The following NRG1 variants were observed in gnomAD, a reference collection of about 807,000 sequenced individuals.
NRG1 encodes pro-neuregulin-1, membrane-bound isoform.
NRG1 carries 18 observed loss-of-function variants against 63.8 expected under a neutral mutation model. That is an observed-to-expected ratio of 0.28 (90% CI 0.19 to 0.42). NRG1 has a LOEUF of 0.42. NRG1 is among the 10% of genes least tolerant of loss of function. The pLI, the probability that NRG1 is intolerant of heterozygous loss-of-function variation, is 1.00. For missense variants in NRG1, 762 were observed against 814.7 expected (o/e 0.94, Z 0.79); for synonymous variants, 302 against 301.3 (o/e 1.00, Z -0.02).
intron 1 of NRG1, among the ~76,000 whole-genome samples, chr8:32,312,494 G>A (rs1278376847): frequency 6.6e-6 from 1 of 151,648 alleles, no homozygotes; most frequent in Non-Finnish European, 1.5e-5. Flanking sequence ...TTTCTCAAGG[G>A]CTTCAAACAG....
intron 1 of NRG1, among the ~76,000 whole-genome samples, chr8:32,591,837 G>T (rs1358442228): frequency 6.6e-6 from 1 of 151,936 alleles, no homozygotes; most frequent in East Asian, 1.9e-4. Context: ...TGCCAGTTGG[G>T]TACTATGCTT....
chr8:32,339,517 G>A (rs1803774199), intron 1 of NRG1, among the ~76,000 whole-genome samples: 1 of 152,138 alleles, frequency 6.6e-6, no homozygotes, highest in East Asian at 1.9e-4. Flanking sequence ...TGTGTGTTTT[G>A]CATTTGTGTT....
At chr8:32,737,664 T>C (rs1010630886) in intron 6 of NRG1, among the ~76,000 whole-genome samples, 5 of 150,742 alleles carry the variant, frequency 3.3e-5, no homozygotes, top group Non-Finnish European at 5.9e-5. Context: ...ATTAACTGTA[T>C]GACAATCTTC....
intron 1 of NRG1, among the ~76,000 whole-genome samples, chr8:32,165,953 A>G (rs1035527742): frequency 1.3e-5 from 2 of 152,138 alleles, no homozygotes; most frequent in Non-Finnish European, 2.9e-5. Context: ...TGTGTACATG[A>G]TCATAGATGG....
chr8:32,205,000 G>C (rs995657947), intron 1 of NRG1, among the ~76,000 whole-genome samples: 1 of 152,138 alleles, frequency 6.6e-6, no homozygotes, highest in African/African-American at 2.4e-5. Flanking sequence ...ATTAAATAAT[G>C]TGTGGCATGG....
intron 1 of NRG1, among the ~76,000 whole-genome samples, chr8:31,709,159 G>A (rs555373015): frequency 6.7e-6 from 1 of 149,474 alleles, no homozygotes; most frequent in African/African-American, 2.5e-5. Flanking sequence ...TTTTTTTTAG[G>A]TGATTTTTTA....
At chr8:32,223,728 T>A (rs538115515) in intron 1 of NRG1, among the ~76,000 whole-genome samples, 16 of 152,246 alleles carry the variant, frequency 1.1e-4, no homozygotes, top group Middle Eastern at 6.8e-3. Flanking sequence ...ACTTTGTAGA[T>A]GCTGTAGGCC....
intron 1 of NRG1, among the ~76,000 whole-genome samples, chr8:32,110,804 G>C (rs1831917389): frequency 6.6e-6 from 1 of 152,156 alleles, no homozygotes; most frequent in Admixed American, 6.5e-5. Flanking sequence ...CTACCCGAAA[G>C]TATAAAATCC....
At chr8:32,165,019 C>G (rs959098593) in intron 1 of NRG1, among the ~76,000 whole-genome samples, 1 of 152,124 alleles carries the variant, frequency 6.6e-6, no homozygotes, top group Non-Finnish European at 1.5e-5. Flanking sequence ...TCTCCCTCTC[C>G]CCCACCCCCC....
At chr8:31,890,412 C>T (rs1489944239) in intron 1 of NRG1, among the ~76,000 whole-genome samples, 1 of 151,920 alleles carries the variant, frequency 6.6e-6, no homozygotes, top group African/African-American at 2.4e-5. Flanking sequence ...TCAAGGAAAC[C>T]TTCCAAAAGG....
intron 1 of NRG1, among the ~76,000 whole-genome samples, chr8:31,996,919 AG>A (rs961845403): frequency 3.9e-5 from 6 of 151,952 alleles, no homozygotes; most frequent in South Asian, 2.1e-4. Context: ...ATCTCTACTA[AG>A]GGGGGGTGGG....
At chr8:31,835,275 C>G (rs1275367706) in intron 1 of NRG1, among the ~76,000 whole-genome samples, 4 of 152,206 alleles carry the variant, frequency 2.6e-5, no homozygotes, top group Non-Finnish European at 5.9e-5. Context: ...CTCAGGGTTG[C>G]CTGCCTCTAA....
rs776758658 is a variant in NRG1 at position 32,369,404 on chromosome 8, CA to C, written c.38-226420del. Reference sequence around the variant, plus strand: ...TCTCAGCATCTTCTTGTGCTTTTTCCAAAACATATAAAGGACAATTCTACTC... The same window carrying C: ...TCTCAGCATCTTCTTGTGCTTTTTCCAAACATATAAAGGACAATTCTACTC... On this transcript the variant is annotated intron_variant, in intron 1 of 10. Transcript: ENST00000519301. 6.6e-4 allele frequency among the ~76,000 whole-genome samples: 100 copies of C among 152,170 alleles called. 1 individual carries two copies. The highest frequency in any genetic ancestry group is 3.2e-3 in the Middle Eastern group (1 of 316).
chr8:32,216,865 T>A (rs1191621919), intron 1 of NRG1, among the ~76,000 whole-genome samples: 1 of 151,922 alleles, frequency 6.6e-6, no homozygotes, highest in Non-Finnish European at 1.5e-5. Context: ...AAACCAACTT[T>A]AGATTATCAT....
intron 1 of NRG1, among the ~76,000 whole-genome samples, chr8:31,974,077 T>C (rs1475478205): frequency 6.6e-6 from 1 of 152,208 alleles, no homozygotes; most frequent in Non-Finnish European, 1.5e-5. Context: ...GCTAGGAAGA[T>C]GTTCTCCAAG....
intron 5 of NRG1, among the ~76,000 whole-genome samples, chr8:32,713,880 A>G (rs975328274): frequency 2.0e-5 from 3 of 151,226 alleles, no homozygotes; most frequent in Non-Finnish European, 4.4e-5. Context: ...GCTGGAGTGC[A>G]GCGGTGCGAT....
At chr8:32,197,939 T>C (rs1742377842) in intron 1 of NRG1, among the ~76,000 whole-genome samples, 1 of 152,100 alleles carries the variant, frequency 6.6e-6, no homozygotes, top group African/African-American at 2.4e-5. Context: ...CCCTGTACTC[T>C]AGATCACTAA....
chr8:32,239,400 A>G (rs894001910), intron 1 of NRG1, among the ~76,000 whole-genome samples: 2 of 152,108 alleles, frequency 1.3e-5, no homozygotes, highest in African/African-American at 4.8e-5. Context: ...TTAAACATAA[A>G]ATGTTAAGCA....
chr8:32,553,183 G>A (rs1414314032), intron 1 of NRG1, among the ~76,000 whole-genome samples: 1 of 151,630 alleles, frequency 6.6e-6, no homozygotes, highest in African/African-American at 2.4e-5. Flanking sequence ...TGCAATATGG[G>A]GATAATAATA....
Sources: gnomAD v4.1 joint callset for allele counts (sites outside exome capture counted in the v4.1 genomes callset) on GRCh38, gnomAD v4.1.1 for gene constraint, MANE v1.5 for transcripts, NCBI Gene and HGNC (gene_info 2026-07-23, HGNC 2026-07-21) for gene names.